Variants in TTLL11 observed in about 807,000 individuals in gnomAD.
TTLL11 encodes tubulin tyrosine ligase like 11.
TTLL11 carries 42 observed loss-of-function variants against 51.7 expected under a neutral mutation model. The observed-to-expected ratio is 0.81, with a 90% CI of 0.64 to 1.05. The LOEUF is 1.05. Ranked by LOEUF, TTLL11 falls within the 50% of genes least tolerant of loss-of-function variation. The pLI, the probability that TTLL11 is intolerant of heterozygous loss-of-function variation, is 0.00. For synonymous variants in TTLL11, 381 were observed against 383.5 expected, an observed-to-expected ratio of 0.99 and a Z score of 0.08; for missense variants, 799 against 940.4, an observed-to-expected ratio of 0.85 and a Z score of 1.97.
At chr9:122,015,824 G>GAA (rs58886993) in intron 3 of TTLL11, among the ~76,000 whole-genome samples, 4 of 139,814 alleles carry the variant, frequency 2.9e-5, no homozygotes, top group Admixed American at 2.8e-4. Context: ...AAAAAAAAAA[G>GAA]AAAGAAAGTA....
intron 3 of TTLL11, among the ~76,000 whole-genome samples, chr9:122,027,452 G>A (rs954318616): frequency 4.6e-5 from 7 of 152,202 alleles, no homozygotes; most frequent in African/African-American, 1.7e-4. Context: ...GGATCATGGA[G>A]TGAATCCTGT....
chr9:121,872,935 G>A (rs1229840473), intron 6 of TTLL11, among the ~76,000 whole-genome samples: 1 of 152,184 alleles, frequency 6.6e-6, no homozygotes, highest in African/African-American at 2.4e-5. Context: ...ACTTAAGACA[G>A]TAAATATCAG....
intron 3 of TTLL11, among the ~76,000 whole-genome samples, chr9:122,019,643 G>A (rs1412093807): frequency 2.0e-5 from 3 of 152,096 alleles, no homozygotes; most frequent in Non-Finnish European, 2.9e-5. Flanking sequence ...TAGAGACAGG[G>A]TTTCGTCATG....
At chr9:122,027,009 T>C (rs1160266986) in intron 3 of TTLL11, among the ~76,000 whole-genome samples, 1 of 150,978 alleles carries the variant, frequency 6.6e-6, no homozygotes, top group Non-Finnish European at 1.5e-5. Context: ...AGAAAAGAGG[T>C]TTAATTGGAT....
chr9:122,084,289 GGGAA>G (rs1350897929), intron 1 of TTLL11, among the ~76,000 whole-genome samples: 8 of 152,176 alleles, frequency 5.3e-5, no homozygotes, highest in Admixed American at 2.0e-4. Context: ...ATATGGGAGA[GGGAA>G]GGAAGCCGCC....
intron 6 of TTLL11, among the ~76,000 whole-genome samples, chr9:121,960,513 C>A (rs1025917154): frequency 6.6e-5 from 10 of 152,136 alleles, no homozygotes; most frequent in Admixed American, 2.6e-4. Flanking sequence ...CCTTCCTGAC[C>A]CACATCTCCT....
chr9:121,954,077 G>T (rs1841943405), intron 6 of TTLL11, among the ~76,000 whole-genome samples: 1 of 152,198 alleles, frequency 6.6e-6, no homozygotes, highest in South Asian at 2.1e-4. Flanking sequence ...CACAGCCCCA[G>T]CCCCACTGTA....
chr9:121,932,355 C>T (rs1473509251), intron 6 of TTLL11, among the ~76,000 whole-genome samples: 4 of 152,212 alleles, frequency 2.6e-5, no homozygotes, highest in Non-Finnish European at 5.9e-5. Flanking sequence ...GAGACACAGG[C>T]TGTGTTTTCT....
chr9:121,917,508 G>GAAAAGAAAAGAAC (rs1402634386), intron 6 of TTLL11, among the ~76,000 whole-genome samples: 3 of 60,796 alleles, frequency 4.9e-5, no homozygotes, highest in African/African-American at 1.8e-4. Flanking sequence ...AAGAAAAGAA[G>GAAAAGAAAAGAAC]GAGAGAGAGA....
chr9:121,969,748 T>G (rs1842504473), intron 6 of TTLL11, among the ~76,000 whole-genome samples: 1 of 152,222 alleles, frequency 6.6e-6, no homozygotes, highest in South Asian at 2.1e-4. Context: ...AAAGGTAACT[T>G]CTAGCCTGGA....
intron 6 of TTLL11, among the ~76,000 whole-genome samples, chr9:121,933,380 T>C (rs954938730): frequency 2.6e-5 from 4 of 152,078 alleles, no homozygotes; most frequent in African/African-American, 9.7e-5. Flanking sequence ...TGCCAAGGCC[T>C]TGGGGCAGAA....
intron 6 of TTLL11, among the ~76,000 whole-genome samples, chr9:121,919,208 GA>G (rs1236348410): frequency 6.6e-6 from 1 of 152,152 alleles, no homozygotes; most frequent in Non-Finnish European, 1.5e-5. Context: ...ATACATTTCA[GA>G]AAGTCCATTT....
chr9:121,965,115 T>C (rs1842362142), intron 6 of TTLL11, among the ~76,000 whole-genome samples: 1 of 152,246 alleles, frequency 6.6e-6, no homozygotes, highest in African/African-American at 2.4e-5. Context: ...TTCATTTCTC[T>C]GTGACCCAGA....
At chr9:121,831,297 A>G (rs765847832) in intron 8 of TTLL11, among the ~76,000 whole-genome samples, 1 of 152,246 alleles carries the variant, frequency 6.6e-6, no homozygotes, top group Non-Finnish European at 1.5e-5. Context: ...TGCATTTGTA[A>G]CAGCAGCGTT....
At chr9:121,891,996 A>G (rs2131444610) in intron 6 of TTLL11, among the ~76,000 whole-genome samples, 1 of 147,602 alleles carries the variant, frequency 6.8e-6, no homozygotes, top group African/African-American at 2.5e-5. Context: ...ATATGAGATA[A>G]TATCACTATA....
chr9:121,970,499 A>C (rs1459913924), intron 6 of TTLL11, among the ~76,000 whole-genome samples: 1 of 152,250 alleles, frequency 6.6e-6, no homozygotes, highest in South Asian at 2.1e-4. Flanking sequence ...CTCCCAATAA[A>C]GGAATAAGAA....
chr9:121,989,213 C>T lies in TTLL11; in HGVS notation c.1251G>A (p.Pro417=), dbSNP rs140709242. The change falls in exon 4 of 9, where the codon CCG becomes CCA. Residue 417 remains proline (P), a synonymous_variant. Coordinates refer to ENST00000321582, the MANE Select transcript of TTLL11 (RefSeq NM_001139442.2). This position sits in a 1 kb window ranked among gnomAD's most constrained non-coding sequence, Gnocchi z 4.2. ...FYQSDIPTGR[P]GPTCFQILGF... is the part of the protein sequence containing the mutation. ...TGGTTACCTGGAAGCACGTGGGGCC[C>T]GGCCTCCCCGTGGGGATGTCTGACT... 65 of 1,613,876 alleles carry T rather than the reference C, an allele frequency of 4.0e-5. No individual in the cohort carries two copies. The highest frequency in any genetic ancestry group is 5.0e-5 in the Admixed American group (3 of 59,996).
At chr9:121,878,888 C>A (rs184310206) in intron 6 of TTLL11, among the ~76,000 whole-genome samples, 21 of 152,266 alleles carry the variant, frequency 1.4e-4, no homozygotes, top group Admixed American at 1.1e-3. Context: ...CCAGTCGCCT[C>A]CTCCTCCCTG....
chr9:121,987,891 G>A (rs1206624153), intron 4 of TTLL11, among the ~76,000 whole-genome samples: 4 of 151,826 alleles, frequency 2.6e-5, no homozygotes, highest in Non-Finnish European at 5.9e-5. Context: ...CCCAACCCAG[G>A]CCTCTGTCTC....
Sources: allele counts gnomAD v4.1 joint callset (sites outside exome capture counted in the v4.1 genomes callset), GRCh38; gene constraint gnomAD v4.1.1; non-coding constraint Gnocchi (gnomAD v3.1); transcripts MANE v1.5; gene names NCBI Gene and HGNC (gene_info 2026-07-23, HGNC 2026-07-21).